Variants in XYLB observed in about 807,000 individuals in gnomAD.
XYLB encodes the protein xylulokinase.
XYLB carries 62 observed loss-of-function variants against 78.7 expected under a neutral mutation model. The observed-to-expected ratio is 0.79, with a 90% CI of 0.64 to 0.97. The LOEUF is 0.97. Ranked by LOEUF, XYLB falls within the 50% of genes least tolerant of loss-of-function variation. The probability of loss-of-function intolerance (pLI) is 0.00; values close to 1 mark genes in which losing one functional copy is unlikely to be tolerated. For synonymous variants in XYLB, 245 were observed against 247.4 expected, an observed-to-expected ratio of 0.99 and a Z score of 0.09; for missense variants, 687 against 676.8, an observed-to-expected ratio of 1.02 and a Z score of -0.17.
At chr3:38,377,870 A>G (rs534091084) in intron 14 of XYLB, among the ~76,000 whole-genome samples, 38 of 152,320 alleles carry the variant, frequency 2.5e-4, no homozygotes, top group African/African-American at 8.9e-4. Flanking sequence ...GCTCAAACCC[A>G]TTCCTCTCTG....
chr3:38,365,977 A>AC (rs1559582858), intron 6 of XYLB, among the ~76,000 whole-genome samples: 1 of 151,718 alleles, frequency 6.6e-6, no homozygotes, highest in African/African-American at 2.4e-5. Flanking sequence ...GGGTGAGGGT[A>AC]CCCCCTCAAT....
At chr3:38,410,860 T>C (rs1465649040) in intron 18 of XYLB, among the ~76,000 whole-genome samples, 4 of 151,610 alleles carry the variant, frequency 2.6e-5, no homozygotes, top group African/African-American at 7.3e-5. Context: ...AGAATGGCAA[T>C]CATTAAAAAG....
chr3:38,359,522 G>A lies in XYLB; in HGVS notation c.141-817G>A, dbSNP rs114631108. The stretch of plus-strand genomic sequence containing the variant: ...CTTTTCTCAGTATAGATGAATTTGC[G>A]TCTTCTAGTCTGTTCCTATATAAGT... On this transcript the variant is annotated intron_variant, in intron 2 of 18. Coordinates refer to ENST00000207870, the MANE Select transcript of XYLB (RefSeq NM_005108.4). Among the ~76,000 whole-genome samples, 1,131 of 152,276 alleles carry A rather than the reference G, an allele frequency of 7.4e-3. 9 individuals carry two copies. Among genetic ancestry groups the A allele is most frequent in the African/African-American group, 0.024 (1,006 of 41,550 alleles).
At chr3:38,361,239 C>T (rs1418658287) in intron 3 of XYLB, among the ~76,000 whole-genome samples, 1 of 151,876 alleles carries the variant, frequency 6.6e-6, no homozygotes, top group Non-Finnish European at 1.5e-5. Context: ...CCTAGGGGGC[C>T]ACAGGAGCAG....
chr3:38,428,513 A>G, the XYLB span, among the ~76,000 whole-genome samples: 3 of 152,268 alleles, frequency 2.0e-5, no homozygotes, highest in African/African-American at 7.2e-5. Context: ...ACTTGGACAT[A>G]CATATTTGGG....
chr3:38,397,097 C>G lies in XYLB; in HGVS notation c.1376C>G (p.Pro459Arg). 6.8e-6 allele frequency: 11 copies of G among 1,614,134 alleles called. No homozygotes were observed. The highest frequency in any genetic ancestry group is 1.1e-5 in the South Asian group (1 of 91,084). The part of the protein sequence containing the change: ...LQVLADVFDA[P>R]VYVIDTANSA... ...GTGCTTGCAGATGTGTTTGATGCCC[C>G]GGTGTATGTTATAGACACTGCCAAC... The change falls in exon 17 of 19, where the codon CCG becomes CGG. Residue 459 changes from proline to arginine, a missense_variant. Physicochemically the swap from Pro to Arg is moderately radical, Grantham distance 103. Coordinates refer to ENST00000207870, the MANE Select transcript of XYLB (RefSeq NM_005108.4).
At chr3:38,427,147 C>T in the XYLB span, among the ~76,000 whole-genome samples, 2 of 152,230 alleles carry the variant, frequency 1.3e-5, no homozygotes, top group Non-Finnish European at 2.9e-5. Context: ...GCTCTCAGCT[C>T]TGAAGGCTGT....
chr3:38,397,547 A>C (rs1707926288), intron 17 of XYLB, among the ~76,000 whole-genome samples: 1 of 152,096 alleles, frequency 6.6e-6, no homozygotes, highest in Admixed American at 6.5e-5. Flanking sequence ...ACAAAGGGGA[A>C]GGCTTCAGGC....
rs141546028 is a variant in XYLB, at chr3:38,382,141, A to G, written c.1291+2799A>G. ...AAAATGGAAAAGAACCTACGTGATT[A>G]TCGGGGCAGGTTCCCCGATAATGGT... On this transcript the variant is annotated intron_variant, in intron 15 of 18. Transcript: ENST00000207870. 7.6e-3 allele frequency among the ~76,000 whole-genome samples: 1,153 copies of G among 152,286 alleles called. 12 individuals carry two copies. Among genetic ancestry groups the G allele is most frequent in the Admixed American group, 0.032 (489 of 15,298 alleles).
chr3:38,400,975 GA>G lies in XYLB; in HGVS notation c.1524del (p.Ala509LeufsTer42), dbSNP rs776243877. On this transcript the variant is annotated frameshift_variant, in exon 18 of 19. Coordinates refer to ENST00000207870, the MANE Select transcript of XYLB (RefSeq NM_005108.4). LOFTEE classifies it high-confidence loss of function. ...NPRLAATPSP[G>X]ASQVYEALLP... ...AGACTAGCTGCTACCCCAAGCCCGG[GA>G]GCTTCTCAGGTGAGAGACCATCGGA... The G allele has an allele frequency of 1.9e-6, 3 of 1,614,174 alleles. No individual in the cohort carries two copies. The South Asian group carries it at 3.3e-5, about 18-fold the overall frequency.
chr3:38,392,312 T>A (rs1373433803), intron 15 of XYLB, among the ~76,000 whole-genome samples: 1 of 152,240 alleles, frequency 6.6e-6, no homozygotes, highest in Non-Finnish European at 1.5e-5. Flanking sequence ...TTTTGTTTTG[T>A]TTTGAGATGG....
intron 15 of XYLB, among the ~76,000 whole-genome samples, chr3:38,395,277 A>C (rs1395895183): frequency 6.6e-6 from 1 of 152,198 alleles, no homozygotes; most frequent in African/African-American, 2.4e-5. Flanking sequence ...AAAACAAAAA[A>C]AGTATTAAAG....
At chr3:38,397,270 G>C (rs963599691) in intron 17 of XYLB, 111 bp downstream of exon 17, 3 of 999,480 alleles carry the variant, frequency 3.0e-6, no homozygotes, top group Non-Finnish European at 4.7e-6. Context: ...GGACATTGGA[G>C]TCTTGGGGAC....
At chr3:38,440,416 A>G in the XYLB span, among the ~76,000 whole-genome samples, 1 of 152,196 alleles carries the variant, frequency 6.6e-6, no homozygotes, top group Non-Finnish European at 1.5e-5. Flanking sequence ...TTATTAAGCA[A>G]CTTTCCTAAC....
intron 15 of XYLB, among the ~76,000 whole-genome samples, chr3:38,388,248 C>T (rs75098402): frequency 0.043 from 6,192 of 145,080 alleles, 255 homozygotes; most frequent in African/African-American, 0.11. Context: ...AGCTGGGTTG[C>T]GGAGATGTCG....
At chr3:38,436,718 C>A in the XYLB span, among the ~76,000 whole-genome samples, 3 of 151,992 alleles carry the variant, frequency 2.0e-5, no homozygotes, top group African/African-American at 4.8e-5. Context: ...AGATAACACA[C>A]CTGGGCTGGG....
chr3:38,410,399 A>G (rs1180461433), intron 18 of XYLB, among the ~76,000 whole-genome samples: 1 of 152,204 alleles, frequency 6.6e-6, no homozygotes, highest in Non-Finnish European at 1.5e-5. Context: ...TGGATTAAAG[A>G]CTTAAATGTT....
chr3:38,368,612 A>G (rs986949635), intron 8 of XYLB, among the ~76,000 whole-genome samples: 1 of 152,188 alleles, frequency 6.6e-6, no homozygotes, highest in South Asian at 2.1e-4. Flanking sequence ...TTCCAGCATC[A>G]TGCACATGAC....
chr3:38,449,770 A>G, the XYLB span, among the ~76,000 whole-genome samples: 2,383 of 152,174 alleles, frequency 0.016, 33 homozygotes, highest in African/African-American at 0.039. Context: ...TTGTTTGTTG[A>G]CCTCCAATGG....
Sources: allele counts gnomAD v4.1 joint callset (sites outside exome capture counted in the v4.1 genomes callset), GRCh38; gene constraint gnomAD v4.1.1; transcripts MANE v1.5; gene names NCBI Gene and HGNC (gene_info 2026-07-23, HGNC 2026-07-21).